The following SLC30A10 variants were observed in gnomAD, a reference collection of about 807,000 sequenced individuals.
SLC30A10 encodes the protein solute carrier family 30 member 10.
SLC30A10 carries 8 observed loss-of-function variants against 21.7 expected under a neutral mutation model. That is an observed-to-expected ratio of 0.37 (90% confidence interval 0.22 to 0.67). The LOEUF is 0.67. SLC30A10 is among the 30% of genes least tolerant of loss of function. The pLI, the probability that SLC30A10 is intolerant of heterozygous loss-of-function variation, is 0.58. For synonymous variants in SLC30A10, 272 were observed against 279.4 expected (o/e 0.97, Z 0.26); for missense variants, 521 against 642.5 (o/e 0.81, Z 2.04).
intron 1 of SLC30A10, among the ~76,000 whole-genome samples, chr1:219,956,450 A>C (rs530341272): frequency 4.8e-4 from 73 of 152,252 alleles, no homozygotes; most frequent in Middle Eastern, 3.4e-3. Flanking sequence ...TCACTTATTT[A>C]AACTAGAACA....
rs529786035 is a variant in SLC30A10 at position 219,910,852 on chromosome 1, A to T, written c.*4597T>A. Among the ~76,000 whole-genome samples, 1 of 152,350 alleles carries T rather than the reference A, an allele frequency of 6.6e-6. No individual in the cohort carries two copies. The highest frequency in any genetic ancestry group is 1.9e-4 in the East Asian group (1 of 5,186). On this transcript the variant is annotated 3_prime_UTR_variant, in exon 4 of 4. Coordinates refer to ENST00000366926, the MANE Select transcript of SLC30A10 (RefSeq NM_018713.3). Reference sequence around the variant, plus strand: ...AACAAAAAGGTACGAAATAAAACACATGAAAAGAGAAGCACCAGAAAATGA... The same window carrying T: ...AACAAAAAGGTACGAAATAAAACACTTGAAAAGAGAAGCACCAGAAAATGA...
intron 1 of SLC30A10, among the ~76,000 whole-genome samples, chr1:219,944,652 C>A (rs968593719): frequency 6.6e-6 from 1 of 152,014 alleles, no homozygotes; most frequent in African/African-American, 2.4e-5. Flanking sequence ...TTCAAACTAG[C>A]AAAGTATTGA....
At chr1:219,925,651 A>ATATTTTTTTTT (rs1317554458) in intron 2 of SLC30A10, among the ~76,000 whole-genome samples, 1 of 48,284 alleles carries the variant, frequency 2.1e-5, no homozygotes, top group African/African-American at 1.2e-4. Context: ...ATATATATAT[A>ATATTTTTTTTT]TTTTTTTTTT....
At chr1:219,956,528 G>A (rs1302656282) in intron 1 of SLC30A10, among the ~76,000 whole-genome samples, 2 of 151,988 alleles carry the variant, frequency 1.3e-5, no homozygotes, top group Non-Finnish European at 2.9e-5. Context: ...AACCCATATG[G>A]CTGGACCAGA....
At chr1:219,929,979 A>G (rs760703753), upstream of SLC30A10, among the ~76,000 whole-genome samples, 21 of 152,090 alleles carry the variant, frequency 1.4e-4, no homozygotes, top group Non-Finnish European at 2.8e-4. Flanking sequence ...CCTGGCTCCT[A>G]GGTTTCTTTG....
intron 1 of SLC30A10, among the ~76,000 whole-genome samples, chr1:219,939,516 C>T (rs1027560527): frequency 1.3e-5 from 2 of 151,944 alleles, no homozygotes; most frequent in Non-Finnish European, 2.9e-5. Flanking sequence ...GCAACCTCCA[C>T]CCCCCCAGGT....
In SLC30A10 at chr1:219,918,594, T is replaced by C; in HGVS notation, c.719-100A>G. 1.4e-6 allele frequency: 2 copies of C among 1,461,864 alleles called. No homozygotes were observed. The highest frequency in any genetic ancestry group is 1.8e-6 in the Non-Finnish European group (2 of 1,101,524). 90.6% of individuals were successfully genotyped at this position (1,461,864 alleles called of 1,614,324 possible). A position where few individuals can be genotyped will look rare whatever the true frequency, so the allele number is the denominator to read the frequency against. ...GGGTATATGAATATCTGTTACCATTTGGAGTTTTTTGGTTTTTGTTTTGGT... is the reference window on the plus strand; with the variant it reads ...GGGTATATGAATATCTGTTACCATTCGGAGTTTTTTGGTTTTTGTTTTGGT... On this transcript the variant is annotated intron_variant, in intron 2 of 3. Transcript: ENST00000366926. The surrounding 1 kb of genome is among the most constrained non-coding windows in gnomAD (Gnocchi z 4.4).
intron 1 of SLC30A10, among the ~76,000 whole-genome samples, chr1:219,938,382 T>G (rs1045228435): frequency 6.6e-6 from 1 of 152,214 alleles, no homozygotes; most frequent in Non-Finnish European, 1.5e-5. Flanking sequence ...CTCCCCTGAC[T>G]TTTCCCAGAG....
chr1:219,930,171 C>CA (rs1403495513), upstream of SLC30A10, among the ~76,000 whole-genome samples: 2 of 147,990 alleles, frequency 1.4e-5, no homozygotes, highest in African/African-American at 5.1e-5. Flanking sequence ...AAAAAACAAA[C>CA]AAACAAAAAA....
Position 219,928,532 on chromosome 1 carries a change from G to A in SLC30A10, c.-92C>T, listed in dbSNP as rs918641669. 1.4e-5 allele frequency: 17 copies of A among 1,229,568 alleles called. No individual in the cohort carries two copies. The highest frequency in any genetic ancestry group is 5.3e-6 in the Non-Finnish European group (5 of 936,250). The allele number at this position is 1,229,568 out of a possible 1,614,324, so 76.2% of individuals were successfully genotyped here. A position where few individuals can be genotyped will look rare whatever the true frequency, so the allele number is the denominator to read the frequency against. On this transcript the variant is annotated 5_prime_UTR_variant, in exon 1 of 4. Coordinates refer to ENST00000366926, the MANE Select transcript of SLC30A10 (RefSeq NM_018713.3). This position sits in a 1 kb window ranked among gnomAD's most constrained non-coding sequence, Gnocchi z 6.3. ...GGTGGGGGGCGCGGCGCGGATCCGT[G>A]AGGCCCGGTACCCGCCTCCCAGATT...
upstream of SLC30A10, among the ~76,000 whole-genome samples, chr1:219,929,694 G>T (rs923008064): frequency 1.3e-4 from 20 of 152,034 alleles, no homozygotes; most frequent in African/African-American, 4.8e-4. Flanking sequence ...TTTATTTTTT[G>T]TATTTCTAGT....
rs1659423562 is a variant in SLC30A10, at chr1:219,911,951, C to G, written c.*3498G>C. On this transcript the variant is annotated 3_prime_UTR_variant, in exon 4 of 4. Coordinates refer to ENST00000366926, the MANE Select transcript of SLC30A10 (RefSeq NM_018713.3). ...TAAACATCCTACAGTACACAACCCA[C>G]ACATCAGGAGCAAGAACACATCCAA... 6.6e-6 allele frequency among the ~76,000 whole-genome samples: 1 copy of G among 152,020 alleles called. No individual in the cohort carries two copies. The highest frequency in any genetic ancestry group is 6.5e-5 in the Admixed American group (1 of 15,272).
rs535213513 is a variant in SLC30A10, at chr1:219,918,434, A to G, written c.779T>C (p.Ile260Thr). 6.2e-6 allele frequency: 10 copies of G among 1,613,806 alleles called. No homozygotes were observed. Among genetic ancestry groups the G allele is most frequent in the African/African-American group, 1.3e-5 (1 of 75,008 alleles). ...LGSVVVVITA[I>T]IFYVLPLKSE... is the part of the protein sequence containing the mutation. ...CTTCAGGGGAAGCACATAGAATATGATGGCCGTGATGACCACAACCACGGA... is the reference window on the plus strand; with the variant it reads ...CTTCAGGGGAAGCACATAGAATATGGTGGCCGTGATGACCACAACCACGGA... The change falls in exon 3 of 4, where the codon ATC (isoleucine) becomes ACC (threonine). Residue 260 changes from isoleucine (I) to threonine (T), a missense_variant. Coordinates refer to ENST00000366926, the MANE Select transcript of SLC30A10 (RefSeq NM_018713.3). The surrounding 1 kb of genome is among the most constrained non-coding windows in gnomAD (Gnocchi z 4.4).
At chr1:219,955,516 A>G (rs145811515) in intron 1 of SLC30A10, among the ~76,000 whole-genome samples, 157 of 152,312 alleles carry the variant, frequency 1.0e-3, no homozygotes, top group African/African-American at 3.5e-3. Flanking sequence ...AACTTTTTTC[A>G]TGAATCCCAG....
chr1:219,952,546 C>A (rs975530280), intron 1 of SLC30A10, among the ~76,000 whole-genome samples: 2 of 145,250 alleles, frequency 1.4e-5, no homozygotes, highest in African/African-American at 5.2e-5. Context: ...TCTTTGTACC[C>A]TACTATTAAC....
intron 2 of SLC30A10, among the ~76,000 whole-genome samples, chr1:219,922,672 C>T (rs1249382415): frequency 6.6e-6 from 1 of 152,076 alleles, no homozygotes; most frequent in Non-Finnish European, 1.5e-5. Context: ...TAATATCTGC[C>T]TCACCTCCCT....
Position 219,927,040 on chromosome 1 carries a change from G to A in SLC30A10, c.706C>T (p.Leu236=). 3.1e-6 allele frequency: 5 copies of A among 1,613,406 alleles called. No individual in the cohort carries two copies. The highest frequency in any genetic ancestry group is 4.2e-6 in the Non-Finnish European group (5 of 1,179,468). The change falls in exon 2 of 4, where the codon CTG becomes TTG. Residue 236 remains leucine, a synonymous_variant. Transcript: ENST00000366926. ...MMKKEKKSEA[L]NIRGVLLHVM... Reference sequence around the variant, plus strand: ...AAGTCAATCCTACCTCTGATATTCAGAGCTTCAGACTTTTTCTCTTTTTTC... The same window carrying A: ...AAGTCAATCCTACCTCTGATATTCAAAGCTTCAGACTTTTTCTCTTTTTTC...
chr1:219,929,179 G>T (rs1006128411), upstream of SLC30A10, among the ~76,000 whole-genome samples: 1 of 152,186 alleles, frequency 6.6e-6, no homozygotes, highest in Non-Finnish European at 1.5e-5. Flanking sequence ...TATAAACGGT[G>T]CAGGATCGTT....
chr1:219,929,917 T>C (rs1272185960), upstream of SLC30A10, among the ~76,000 whole-genome samples: 1 of 152,140 alleles, frequency 6.6e-6, no homozygotes, highest in Non-Finnish European at 1.5e-5. Flanking sequence ...GAAGGGACCC[T>C]TGAAGAAGGG....
Sources: allele counts gnomAD v4.1 joint callset (sites outside exome capture counted in the v4.1 genomes callset), GRCh38; gene constraint gnomAD v4.1.1; non-coding constraint Gnocchi (gnomAD v3.1); transcripts MANE v1.5; gene names NCBI Gene and HGNC (gene_info 2026-07-23, HGNC 2026-07-21).